RBFOX1: variants seen among roughly 807,000 people sequenced by gnomAD.
RBFOX1 encodes RNA binding protein fox-1 homolog 1.
A neutral mutation model predicts 57.7 loss-of-function variants in RBFOX1; 8 were observed. The ratio of observed to expected loss-of-function variants is 0.14; its 90% CI spans 0.08 to 0.25. The LOEUF (loss-of-function observed/expected upper bound fraction) is 0.25, where lower values mean the gene tolerates loss of function less well. RBFOX1 is among the 10% of genes least tolerant of loss of function. The pLI, the probability that RBFOX1 is intolerant of heterozygous loss-of-function variation, is 1.00. For synonymous variants in RBFOX1, 326 were observed against 222.4 expected (o/e 1.47, Z -4.15); for missense variants, 611 against 548.5 (o/e 1.11, Z -1.14).
intron 1 of RBFOX1, among the ~76,000 whole-genome samples, chr16:5,411,433 G>T (rs1351247785): frequency 1.3e-5 from 2 of 152,140 alleles, no homozygotes; most frequent in Non-Finnish European, 2.9e-5. Context: ...AGTCGGAAAT[G>T]GCAAGGGAGC....
In RBFOX1 at chr16:7,359,793, G is replaced by T. The variant is rs539694781; in HGVS notation, c.28-158354G>T. Among the ~76,000 whole-genome samples, 4 of 152,214 alleles carry T rather than the reference G, an allele frequency of 2.6e-5. No homozygotes were observed. The South Asian group carries it at 8.3e-4, about 32-fold the overall frequency. Reference sequence around the variant, plus strand: ...AGTTCAGGAGATCGAGACCATCCTGGCTAACATGGTGAAACCCCGTCTCTA... The same window carrying T: ...AGTTCAGGAGATCGAGACCATCCTGTCTAACATGGTGAAACCCCGTCTCTA... On this transcript the variant is annotated intron_variant, in intron 4 of 15. Transcript: ENST00000550418.
At chr16:7,490,758 G>A (rs1007108338) in intron 4 of RBFOX1, among the ~76,000 whole-genome samples, 1 of 152,064 alleles carries the variant, frequency 6.6e-6, no homozygotes, top group Non-Finnish European at 1.5e-5. Flanking sequence ...TTATCTTCTA[G>A]TCTTGGTGAA....
chr16:5,473,372 C>G (rs2069204124), intron 2 of RBFOX1, among the ~76,000 whole-genome samples: 1 of 152,064 alleles, frequency 6.6e-6, no homozygotes, highest in Admixed American at 6.6e-5. Context: ...CATCATACCT[C>G]TTTTTAATTA....
intron 3 of RBFOX1, among the ~76,000 whole-genome samples, chr16:6,940,890 T>TGTG (rs2078318948): frequency 7.3e-5 from 11 of 150,180 alleles, no homozygotes; most frequent in Non-Finnish European, 1.3e-4. Flanking sequence ...TGTGTGTGTG[T>TGTG]TAGAGATGGG....
Position 6,860,734 on chromosome 16 carries a change from G to C in RBFOX1, c.-15-191323G>C, listed in dbSNP as rs374517283. Reference sequence around the variant, plus strand: ...AAATAAATAAATTAGATCTCTGTGTGCCAGTGTGGATAAATCTGAAAACCA... The same window carrying C: ...AAATAAATAAATTAGATCTCTGTGTCCCAGTGTGGATAAATCTGAAAACCA... On this transcript the variant is annotated intron_variant, in intron 3 of 15. Coordinates refer to ENST00000550418, the MANE Select transcript of RBFOX1 (RefSeq NM_018723.4). 5.3e-5 allele frequency among the ~76,000 whole-genome samples: 8 copies of C among 152,266 alleles called. No homozygotes were observed. The South Asian group carries it at 1.2e-3, about 24-fold the overall frequency.
chr16:7,623,475 C>G (rs1324163682), intron 10 of RBFOX1, among the ~76,000 whole-genome samples: 1 of 152,136 alleles, frequency 6.6e-6, no homozygotes, highest in Non-Finnish European at 1.5e-5. Flanking sequence ...GAACACACAA[C>G]CAAGATCCCT....
chr16:6,547,994 T>G (rs1207092554), intron 2 of RBFOX1, among the ~76,000 whole-genome samples: 1 of 152,188 alleles, frequency 6.6e-6, no homozygotes. Context: ...TGAAAGTCCT[T>G]TAATCATAGC....
chr16:7,041,615 C>G (rs899432336), intron 3 of RBFOX1, among the ~76,000 whole-genome samples: 4 of 152,076 alleles, frequency 2.6e-5, no homozygotes, highest in African/African-American at 9.7e-5. Context: ...GCTGCCCCCT[C>G]GAAACAGTCA....
intron 3 of RBFOX1, among the ~76,000 whole-genome samples, chr16:6,777,454 C>T (rs553982992): frequency 6.6e-5 from 10 of 152,234 alleles, no homozygotes; most frequent in Middle Eastern, 3.4e-3. Context: ...TATCAGTTTT[C>T]AGCTGCATGT....
At chr16:7,277,655 A>G (rs904588363) in intron 4 of RBFOX1, among the ~76,000 whole-genome samples, 3 of 152,164 alleles carry the variant, frequency 2.0e-5, no homozygotes, top group African/African-American at 7.2e-5. Context: ...TAAAGGCCCA[A>G]GAAGCTTGAG....
intron 3 of RBFOX1, among the ~76,000 whole-genome samples, chr16:5,823,177 G>T (rs2055915610): frequency 6.6e-6 from 1 of 152,134 alleles, no homozygotes; most frequent in Admixed American, 6.5e-5. Flanking sequence ...GCACATAGAG[G>T]GCAGTCGGAT....
chr16:6,812,081 C>G (rs923937781), intron 3 of RBFOX1, among the ~76,000 whole-genome samples: 1 of 151,984 alleles, frequency 6.6e-6, no homozygotes. Context: ...GTTGTATTAT[C>G]AGACTCCATA....
At chr16:7,668,459 C>G (rs1271146453) in intron 13 of RBFOX1, among the ~76,000 whole-genome samples, 4 of 152,148 alleles carry the variant, frequency 2.6e-5, no homozygotes, top group Non-Finnish European at 5.9e-5. Context: ...ACCAGGACAG[C>G]TCATTTGGGC....
chr16:7,449,782 C>G (rs1401505037), intron 4 of RBFOX1, among the ~76,000 whole-genome samples: 1 of 150,232 alleles, frequency 6.7e-6, no homozygotes, highest in African/African-American at 2.5e-5. Context: ...TTCACCCATC[C>G]TGCAGAAAAC....
chr16:5,470,961 A>G (rs1001913193), intron 2 of RBFOX1, among the ~76,000 whole-genome samples: 2 of 152,036 alleles, frequency 1.3e-5, no homozygotes, highest in Non-Finnish European at 2.9e-5. Context: ...AAGCGATTCT[A>G]CTGCCTCAGC....
chr16:7,132,811 T>C (rs1448455143), intron 4 of RBFOX1, among the ~76,000 whole-genome samples: 1 of 151,904 alleles, frequency 6.6e-6, no homozygotes, highest in Non-Finnish European at 1.5e-5. Flanking sequence ...CTTATCAAAA[T>C]TGAAAAAAAA....
chr16:7,655,580 T>TAAAG (rs1319191575), intron 12 of RBFOX1, among the ~76,000 whole-genome samples: 1 of 152,014 alleles, frequency 6.6e-6, no homozygotes, highest in Non-Finnish European at 1.5e-5. Flanking sequence ...AATGTAAAAA[T>TAAAG]AAAGATTTGT....
chr16:6,339,964 A>C (rs2084304104), intron 2 of RBFOX1, among the ~76,000 whole-genome samples: 1 of 152,144 alleles, frequency 6.6e-6, no homozygotes, highest in Non-Finnish European at 1.5e-5. Context: ...GGCATGAGCC[A>C]CCGTGCCCAG....
intron 3 of RBFOX1, among the ~76,000 whole-genome samples, chr16:6,960,218 C>T (rs560250967): frequency 6.6e-6 from 1 of 152,242 alleles, no homozygotes; most frequent in Admixed American, 6.5e-5. Flanking sequence ...ATCATCCCAG[C>T]ACCTGGACCC....
Sources: gnomAD v4.1 joint callset for allele counts (sites outside exome capture counted in the v4.1 genomes callset) on GRCh38, gnomAD v4.1.1 for gene constraint, MANE v1.5 for transcripts, NCBI Gene and HGNC (gene_info 2026-07-23, HGNC 2026-07-21) for gene names.